PHKA1: variants seen among roughly 807,000 people sequenced by gnomAD.
PHKA1 encodes the protein phosphorylase kinase regulatory subunit alpha 1.
In PHKA1, 60 loss-of-function variants were observed where a neutral mutation model predicts 110.2. That is an observed-to-expected ratio of 0.54 (90% confidence interval 0.44 to 0.68). The LOEUF (loss-of-function observed/expected upper bound fraction) is 0.68. Ranked by LOEUF, PHKA1 falls within the 30% of genes least tolerant of loss-of-function variation. The pLI is 0.00. For synonymous variants in PHKA1, 316 were observed against 333.6 expected (o/e 0.95, Z 0.58); for missense variants, 801 against 942.5 (o/e 0.85, Z 1.97).
chrX:72,603,004 T>C, intron 26 of PHKA1, 115 bp downstream of exon 26: 1 of 531,514 alleles, frequency 1.9e-6, no homozygotes, highest in Non-Finnish European at 3.3e-6. Context: ...GTTTTATATA[T>C]TGGAGTTTAT....
chrX:72,643,954 T>C (rs2053328272), intron 14 of PHKA1, among the ~76,000 whole-genome samples: 1 of 111,884 alleles, frequency 8.9e-6, no homozygotes, highest in Non-Finnish European at 1.9e-5. Context: ...AAGTATTATA[T>C]TAAGGAATCT....
chrX:72,614,006 A>G (rs1186017123), intron 21 of PHKA1, among the ~76,000 whole-genome samples: 1 of 111,997 alleles, frequency 8.9e-6, no homozygotes, highest in Admixed American at 9.5e-5. Context: ...GAACTCAATA[A>G]AATTCATGAT....
chrX:72,607,953 C>T (rs1415985891), intron 23 of PHKA1, among the ~76,000 whole-genome samples: 2 of 111,045 alleles, frequency 1.8e-5, no homozygotes, highest in African/African-American at 3.3e-5. Context: ...GGTGCTCTAC[C>T]CCACTGTGGC....
rs1556249390 is a variant in PHKA1 at position 72,605,419 on chromosome X, T to C, written c.2686-19A>G. On this transcript the variant is annotated intron_variant, in intron 24 of 31. Transcript: ENST00000373542. ...TTATTTCCTGCACACAGAGTAGATA[T>C]AGACAAAAATAATGGCCTAGGTCTC... is the stretch of plus-strand genomic sequence containing the variant. 1 of 1,202,417 alleles carries C rather than the reference T, an allele frequency of 8.3e-7. No homozygotes were observed. Among genetic ancestry groups the C allele is most frequent in the Non-Finnish European group, 1.1e-6 (1 of 888,303 alleles).
chrX:72,622,536 C>A (rs2052994330), intron 18 of PHKA1: 1 of 751,137 alleles, frequency 1.3e-6, no homozygotes, highest in Admixed American at 8.8e-5. Context: ...CAATGCATGC[C>A]CCTGCAATGC....
chrX:72,593,107 C>T lies in PHKA1; in HGVS notation c.3240G>A (p.Gln1080=). 1.7e-6 allele frequency: 2 copies of T among 1,181,752 alleles called. No homozygotes were observed. The highest frequency in any genetic ancestry group is 2.3e-6 in the Non-Finnish European group (2 of 868,070). The change falls in exon 29 of 32, where the codon CAG becomes CAA. Residue 1080 remains glutamine (Q), a synonymous_variant. Transcript: ENST00000373542. ...ATCAACAATGTATTATGCTCACCTTCTGCAAAACTTTCCATACTTTCTGAT... is the reference window on the plus strand; with the variant it reads ...ATCAACAATGTATTATGCTCACCTTTTGCAAAACTTTCCATACTTTCTGAT... The part of the protein sequence containing the change: ...GFYQKVWKVL[Q]KCHGLSVEGF...
At chrX:72,587,966 T>A (rs2052459067) in intron 29 of PHKA1, among the ~76,000 whole-genome samples, 1 of 111,215 alleles carries the variant, frequency 9.0e-6, no homozygotes, top group Admixed American at 9.5e-5. Flanking sequence ...AGACTCAGAC[T>A]CCCACACAAT....
chrX:72,703,093 T>A (rs2054228568), intron 3 of PHKA1, among the ~76,000 whole-genome samples: 1 of 111,422 alleles, frequency 9.0e-6, no homozygotes, highest in Non-Finnish European at 1.9e-5. Flanking sequence ...TGTGCCCCAA[T>A]CACCCTGGGC....
At chrX:72,613,299 C>A (rs2052840219) in intron 21 of PHKA1, among the ~76,000 whole-genome samples, 1 of 109,632 alleles carries the variant, frequency 9.1e-6, no homozygotes, top group Non-Finnish European at 1.9e-5. Context: ...TACTATGCTA[C>A]CTTTTGGATA....
At position 72,636,401 on chromosome X, in the gene PHKA1, A is replaced by G. The variant is rs370057530; in HGVS notation, c.1460-15T>C. On this transcript the variant is annotated splice_polypyrimidine_tract_variant and intron_variant, in intron 14 of 31. Coordinates refer to ENST00000373542, the MANE Select transcript of PHKA1 (RefSeq NM_002637.4). ...ATTGTTGCATCCTGATACAGAATTGAGAAATGGTAAAAATATTTCTAGAGC... is the reference window on the plus strand; with the variant it reads ...ATTGTTGCATCCTGATACAGAATTGGGAAATGGTAAAAATATTTCTAGAGC... The G allele has an allele frequency of 4.0e-6, 4 of 989,502 alleles. No homozygotes were observed. In the Admixed American group the frequency reaches 8.7e-5, roughly 22 times the overall value. 81.5% of individuals were successfully genotyped at this position (989,502 alleles called of 1,213,427 possible).
At chrX:72,656,377 C>A (rs2053497442) in intron 9 of PHKA1, 135 bp from the exon 10 acceptor site, 5 of 617,342 alleles carry the variant, frequency 8.1e-6, no homozygotes, top group Non-Finnish European at 1.3e-5. Context: ...TGTACATACT[C>A]CCTTCCCTTA....
chrX:72,630,467 T>C (rs1603259511), intron 16 of PHKA1, among the ~76,000 whole-genome samples: 1 of 111,764 alleles, frequency 8.9e-6, no homozygotes. Context: ...ACCATTCTTT[T>C]AGGGCAGATC....
rs1012247259 is a variant in PHKA1, at chrX:72,602,343, A to T, written c.2918-70T>A. The T allele has an allele frequency of 2.3e-4, 150 of 643,224 alleles. 1 individual carries two copies. Among genetic ancestry groups the T allele is most frequent in the Non-Finnish European group, 3.5e-4 (139 of 392,548 alleles). 53.0% of individuals were successfully genotyped at this position (643,224 alleles called of 1,213,427 possible). ...GTTCAATTTCTTCCCCATCACATTT[A>T]AAAAAAACTTTCATATATATCCTTA... is the stretch of plus-strand genomic sequence containing the variant. On this transcript the variant is annotated intron_variant, in intron 26 of 31. Transcript: ENST00000373542.
chrX:72,672,439 A>G (rs2053717806), intron 6 of PHKA1, among the ~76,000 whole-genome samples: 2 of 111,628 alleles, frequency 1.8e-5, no homozygotes, highest in Non-Finnish European at 3.8e-5. Flanking sequence ...GAAACTCTGC[A>G]GAGTCCCAAG....
chrX:72,700,854 G>A (rs979970598), intron 3 of PHKA1, among the ~76,000 whole-genome samples: 1 of 111,613 alleles, frequency 9.0e-6, no homozygotes, highest in African/African-American at 3.3e-5. Flanking sequence ...ATATCAAGCA[G>A]AACAAGAAAT....
chrX:72,596,591 C>T (rs953524191), intron 28 of PHKA1, among the ~76,000 whole-genome samples: 1 of 110,705 alleles, frequency 9.0e-6, no homozygotes, highest in African/African-American at 3.3e-5. Flanking sequence ...CAAAAGAAGT[C>T]CAAAACAAAT....
chrX:72,606,966 C>T (rs1659672860), intron 23 of PHKA1, among the ~76,000 whole-genome samples: 1 of 111,903 alleles, frequency 8.9e-6, no homozygotes, highest in African/African-American at 3.2e-5. Flanking sequence ...TCAGTGAGAA[C>T]ATGTGAACTT....
At chrX:72,620,937 A>G (rs1269205127) in intron 18 of PHKA1, 36 bp from the exon 19 acceptor site, 1 of 1,189,084 alleles carries the variant, frequency 8.4e-7, no homozygotes, top group Non-Finnish European at 1.1e-6. Context: ...AAGAGAAAAG[A>G]ATGAAAATAT....
At chrX:72,630,999 G>GTTTTTTTTTTTTTTTTTT (rs146161152) in intron 16 of PHKA1, among the ~76,000 whole-genome samples, 10 of 44,706 alleles carry the variant, frequency 2.2e-4, no homozygotes, top group African/African-American at 3.9e-4. Flanking sequence ...ATTTTTTCAG[G>GTTTTTTTTTTTTTTTTTT]TTTTTTTTTT....
Sources: gnomAD v4.1 joint callset for allele counts (sites outside exome capture counted in the v4.1 genomes callset) on GRCh38, gnomAD v4.1.1 for gene constraint, MANE v1.5 for transcripts, NCBI Gene and HGNC (gene_info 2026-07-23, HGNC 2026-07-21) for gene names.